Variants in ZNF500 observed in about 807,000 individuals in gnomAD.
The protein encoded by ZNF500 is zinc finger protein 500.
A neutral mutation model predicts 30.1 loss-of-function variants in ZNF500; 31 were observed. The ratio of observed to expected loss-of-function variants is 1.03; its 90% CI spans 0.77 to 1.39. The LOEUF (loss-of-function observed/expected upper bound fraction) is 1.39, where lower values mean the gene tolerates loss of function less well. Ranked by LOEUF, ZNF500 falls within the 40% of genes most tolerant of loss-of-function variation. ZNF500 has a pLI of 0.00. For synonymous variants in ZNF500, 392 were observed against 282.0 expected (o/e 1.39, Z -3.91); for missense variants, 817 against 657.8 (o/e 1.24, Z -2.65).
intron 2 of ZNF500, chr16:4,763,154 T>G: frequency 1.0e-6 from 1 of 983,566 alleles, no homozygotes; most frequent in Admixed American, 6.2e-5. Context: ...TTCCAGCACT[T>G]TGGGAGGCCG....
chr16:4,744,361 A>G (rs2081986292), downstream of ZNF500, among the ~76,000 whole-genome samples: 1 of 152,206 alleles, frequency 6.6e-6, no homozygotes, highest in African/African-American at 2.4e-5. Context: ...GTTGTTTAAA[A>G]ATCTGAAAAG....
chr16:4,760,653 C>T, intron 4 of ZNF500, 65 bp from the exon 5 acceptor site: 1 of 1,467,720 alleles, frequency 6.8e-7, no homozygotes, highest in South Asian at 1.2e-5. Flanking sequence ...ACTAAGGCCA[C>T]TGGCCCAGGG....
intron 2 of ZNF500, 89 bp downstream of exon 2, chr16:4,765,476 G>A: frequency 6.7e-7 from 1 of 1,497,560 alleles, no homozygotes. Context: ...AGCCACACTT[G>A]GTCACCCAAT....
In ZNF500 at chr16:4,751,653, T is replaced by C. The variant is rs1372002212; in HGVS notation, c.*723A>G. On this transcript the variant is annotated 3_prime_UTR_variant, in exon 6 of 6. Transcript: ENST00000219478. ...ATTCATGTGCACCCAGACCTCAGAA[T>C]GTGACCTTATTTGGAAACACGGGTT... is the stretch of plus-strand genomic sequence containing the variant. 2 of 1,534,782 alleles carry C rather than the reference T, an allele frequency of 1.3e-6. No individual in the cohort carries two copies. The highest frequency in any genetic ancestry group is 2.7e-5 in the African/African-American group (2 of 73,012).
At chr16:4,760,407 C>A (rs2082184710) in intron 5 of ZNF500, 85 bp downstream of exon 5, 10 of 1,337,304 alleles carry the variant, frequency 7.5e-6, no homozygotes, top group African/African-American at 4.3e-5. Flanking sequence ...GCCAACTGGA[C>A]CAACAGAACC....
In ZNF500 at chr16:4,752,283, G is replaced by C; in HGVS notation, c.*93C>G. On this transcript the variant is annotated 3_prime_UTR_variant, in exon 6 of 6. Coordinates refer to ENST00000219478, the MANE Select transcript of ZNF500 (RefSeq NM_021646.4). ...ACTGGGCCATGGGAGGAAACGGGCA[G>C]CTGGCAATGCTTTCGGACCAGGCTG... The C allele has an allele frequency of 7.0e-7, 1 of 1,429,588 alleles. No individual in the cohort carries two copies. The highest frequency in any genetic ancestry group is 9.1e-7 in the Non-Finnish European group (1 of 1,096,674). 88.6% of individuals were successfully genotyped at this position (1,429,588 alleles called of 1,614,324 possible). A position where few individuals can be genotyped will look rare whatever the true frequency, so the allele number is the denominator to read the frequency against.
intron 4 of ZNF500, among the ~76,000 whole-genome samples, chr16:4,761,066 T>C (rs928599677): frequency 6.6e-6 from 1 of 151,624 alleles, no homozygotes; most frequent in African/African-American, 2.4e-5. Context: ...AGAAGGAGCT[T>C]TGTGGTTGCC....
At chr16:4,759,736 T>C (rs1428707674) in intron 5 of ZNF500, among the ~76,000 whole-genome samples, 1 of 152,030 alleles carries the variant, frequency 6.6e-6, no homozygotes, top group African/African-American at 2.4e-5. Flanking sequence ...CTCACTGTCA[T>C]TAGAAAAGGC....
At chr16:4,753,628 G>A (rs1273560766) in intron 5 of ZNF500, among the ~76,000 whole-genome samples, 1 of 152,220 alleles carries the variant, frequency 6.6e-6, no homozygotes, top group Non-Finnish European at 1.5e-5. Context: ...TACAGAGTGA[G>A]GGCCATCAAG....
chr16:4,747,220 C>T, downstream of ZNF500: 2 of 1,327,572 alleles, frequency 1.5e-6, no homozygotes, highest in African/African-American at 1.5e-5. Flanking sequence ...GATGGGCTGC[C>T]TGAATTGCAT....
intron 5 of ZNF500, among the ~76,000 whole-genome samples, chr16:4,757,990 C>T (rs2082155183): frequency 6.6e-6 from 1 of 151,588 alleles, no homozygotes; most frequent in South Asian, 2.1e-4. Context: ...CAATCTCCGC[C>T]TCCTGGGTTC....
chr16:4,756,129 A>G (rs1292057276), intron 5 of ZNF500, among the ~76,000 whole-genome samples: 1 of 152,212 alleles, frequency 6.6e-6, no homozygotes, highest in East Asian at 1.9e-4. Context: ...CAGGCCTGAT[A>G]GCTCACGCCT....
At chr16:4,760,946 T>A (rs1410699821) in intron 4 of ZNF500, among the ~76,000 whole-genome samples, 1 of 152,086 alleles carries the variant, frequency 6.6e-6, no homozygotes, top group Non-Finnish European at 1.5e-5. Context: ...GACGGGGGAC[T>A]TCAGGATGCC....
At chr16:4,746,946 G>T, downstream of ZNF500, 3 of 1,562,776 alleles carry the variant, frequency 1.9e-6, no homozygotes, top group South Asian at 2.4e-5. Flanking sequence ...CAGCTCCTCT[G>T]ACAGTGAGGA....
At chr16:4,755,570 G>A (rs1031273962) in intron 5 of ZNF500, among the ~76,000 whole-genome samples, 1 of 152,146 alleles carries the variant, frequency 6.6e-6, no homozygotes, top group Non-Finnish European at 1.5e-5. Flanking sequence ...AACCGCCTTG[G>A]CCTCCCAAAG....
intron 5 of ZNF500, 186 bp from the exon 6 acceptor site, chr16:4,753,244 T>C: frequency 8.1e-7 from 1 of 1,234,472 alleles, no homozygotes; most frequent in Non-Finnish European, 1.1e-6. Context: ...GAGGATTGCT[T>C]GAGCCCAGGA....
At chr16:4,745,123 C>G, downstream of ZNF500, 1 of 1,346,898 alleles carries the variant, frequency 7.4e-7, no homozygotes, top group South Asian at 1.3e-5. Flanking sequence ...TTTTCTCAGT[C>G]ACTCTCAAGC....
intron 4 of ZNF500, among the ~76,000 whole-genome samples, chr16:4,761,319 A>C (rs1255605974): frequency 6.6e-6 from 1 of 151,996 alleles, no homozygotes; most frequent in East Asian, 1.9e-4. Context: ...GGGTGCCTGT[A>C]ATCCCAGCTA....
Position 4,765,667 on chromosome 16 carries a change from C to A in ZNF500, c.312G>T (p.Gly104=). The A allele has an allele frequency of 6.2e-7, 1 of 1,613,684 alleles. No homozygotes were observed. Residue 104 remains glycine (G), a synonymous_variant, in exon 2 of 6, where the codon GGG becomes GGT. Coordinates refer to ENST00000219478, the MANE Select transcript of ZNF500 (RefSeq NM_021646.4). ...GCTCGCGTACCCGAGCCTGGATCTC[C>A]CCCGGCAGCACAGTCAGGAACTGCT... is the stretch of plus-strand genomic sequence containing the variant. The part of the protein sequence containing the change: ...VLEQFLTVLP[G]EIQARVREQQ...
Sources: allele counts gnomAD v4.1 joint callset (sites outside exome capture counted in the v4.1 genomes callset), GRCh38; gene constraint gnomAD v4.1.1; transcripts MANE v1.5; gene names NCBI Gene and HGNC (gene_info 2026-07-23, HGNC 2026-07-21).